The following KALRN variants were observed in gnomAD, a reference collection of about 807,000 sequenced individuals.
KALRN encodes kalirin RhoGEF kinase.
KALRN carries 70 observed loss-of-function variants against 353.7 expected under a neutral mutation model. The ratio of observed to expected loss-of-function variants is 0.20; its 90% CI spans 0.16 to 0.24. KALRN has a LOEUF of 0.24. Among genes scored for constraint, KALRN ranks in the 10% least tolerant of loss-of-function variants. The probability of loss-of-function intolerance (pLI) is 1.00; values close to 1 mark genes in which losing one functional copy is unlikely to be tolerated. For missense variants in KALRN, 2,791 were observed against 3,756.7 expected (o/e 0.74, Z 6.72); for synonymous variants, 1,391 against 1,434.8 (o/e 0.97, Z 0.69).
In KALRN at chr3:124,676,305, G is replaced by T. The variant is rs2087180838; in HGVS notation, c.7193+1691G>T. ...TCTTGCAAAAGGGTTGGGGGTGTGT[G>T]TGGAGGGGAGCAGTGGACTGAAAAA... On this transcript the variant is annotated intron_variant, in intron 49 of 59. Coordinates refer to ENST00000682506, the MANE Select transcript of KALRN (RefSeq NM_001388419.1). Among the ~76,000 whole-genome samples the T allele has an allele frequency of 2.0e-5, 3 of 152,292 alleles. No individual in the cohort carries two copies. The South Asian group carries it at 6.2e-4, about 32-fold the overall frequency.
At chr3:124,049,103 A>G (rs1406074435) in intron 1 of KALRN, among the ~76,000 whole-genome samples, 1 of 152,230 alleles carries the variant, frequency 6.6e-6, no homozygotes, top group Non-Finnish European at 1.5e-5. Flanking sequence ...TGACATTTAA[A>G]TAAATGGTAG....
At chr3:124,591,114 A>G (rs1394525909) in intron 34 of KALRN, among the ~76,000 whole-genome samples, 1 of 152,160 alleles carries the variant, frequency 6.6e-6, no homozygotes, top group East Asian at 1.9e-4. Context: ...AATTAAATGT[A>G]CCTGCTTTCA....
chr3:124,273,463 C>T (rs186771418), intron 5 of KALRN, among the ~76,000 whole-genome samples: 29 of 152,274 alleles, frequency 1.9e-4, no homozygotes, highest in Admixed American at 1.6e-3. Flanking sequence ...TTTTTAAAAG[C>T]AGGTTTATTG....
chr3:124,083,234 A>C (rs952033885), intron 1 of KALRN, among the ~76,000 whole-genome samples: 2 of 152,228 alleles, frequency 1.3e-5, no homozygotes, highest in Non-Finnish European at 2.9e-5. Context: ...TCTGTGTGCC[A>C]GGCGCTAGGG....
chr3:124,518,429 G>A, intron 33 of KALRN: 1 of 1,614,114 alleles, frequency 6.2e-7, no homozygotes, highest in Non-Finnish European at 8.5e-7. Context: ...GGTGGCACCT[G>A]GGACCTGGAG....
chr3:124,642,806 G>GTTGTTTTGTTTTTTTTT (rs796628603), intron 37 of KALRN, among the ~76,000 whole-genome samples: 1 of 96,840 alleles, frequency 1.0e-5, no homozygotes, highest in Non-Finnish European at 1.9e-5. Context: ...CCCAAGCCTC[G>GTTGTTTTGTTTTTTTTT]TTTTTTTTTT....
intron 5 of KALRN, among the ~76,000 whole-genome samples, chr3:124,275,772 C>A (rs184111896): frequency 1.3e-5 from 2 of 152,284 alleles, no homozygotes; most frequent in East Asian, 3.9e-4. Context: ...GAACAAAATT[C>A]AGAATTGATT....
rs2063301657 is a variant in KALRN, at chr3:124,719,300, A to G, written c.8791A>G (p.Thr2931Ala). The G allele has an allele frequency of 1.2e-6, 2 of 1,614,242 alleles. No individual in the cohort carries two copies. The highest frequency in any genetic ancestry group is 2.2e-5 in the East Asian group (1 of 44,886). Reference protein sequence around the residue: ...EDFRRRPTAATCLQHPWLQPH... With the variant: ...EDFRRRPTAAACLQHPWLQPH... ...TTTTCGGAGGCGGCCCACAGCAGCC[A>G]CATGCTTGCAGCATCCATGGCTGCA... is the stretch of plus-strand genomic sequence containing the variant. Residue 2931 changes from threonine to alanine, a missense_variant, in exon 60 of 60, where the codon ACA (threonine) becomes GCA (alanine). Thr to Ala is a moderately conservative substitution (Grantham distance 58, BLOSUM62 0). Around this residue, in one of 11 missense-constraint regions of KALRN, gnomAD observed 188 missense variants for 402.9 expected, o/e 0.47. Coordinates refer to ENST00000682506, the MANE Select transcript of KALRN (RefSeq NM_001388419.1). This position sits in a 1 kb window ranked among gnomAD's most constrained non-coding sequence, Gnocchi z 5.3.
intron 57 of KALRN, among the ~76,000 whole-genome samples, chr3:124,707,394 T>TTTCCTTCCTTCCTTCCTTCCTTCCTTCC (rs368400674): frequency 7.1e-6 from 1 of 140,710 alleles, no homozygotes; most frequent in African/African-American, 2.6e-5. Context: ...AGAATAGCAG[T>TTTCCTTCCTTCCTTCCTTCCTTCCTTCC]TTCCTTCCTT....
At chr3:124,136,891 T>C (rs1164665401) in intron 1 of KALRN, among the ~76,000 whole-genome samples, 2 of 152,170 alleles carry the variant, frequency 1.3e-5, no homozygotes, top group Non-Finnish European at 2.9e-5. Flanking sequence ...CAGGAAATTA[T>C]GGAGGCACTA....
At chr3:124,699,272 T>C (rs1363349493) in intron 55 of KALRN, among the ~76,000 whole-genome samples, 1 of 152,228 alleles carries the variant, frequency 6.6e-6, no homozygotes, top group Non-Finnish European at 1.5e-5. Flanking sequence ...GTTCAGCTCA[T>C]TAACTAAGTT....
intron 1 of KALRN, among the ~76,000 whole-genome samples, chr3:124,154,924 TG>T (rs1560098134): frequency 6.6e-6 from 1 of 152,132 alleles, no homozygotes; most frequent in East Asian, 1.9e-4. Flanking sequence ...TATAGATCAA[TG>T]GAACAGAACA....
At chr3:124,584,256 G>T (rs2074896837) in intron 34 of KALRN, among the ~76,000 whole-genome samples, 1 of 152,176 alleles carries the variant, frequency 6.6e-6, no homozygotes, top group African/African-American at 2.4e-5. Flanking sequence ...GCATTACACG[G>T]AAGGAAAGGA....
chr3:124,565,297 T>C (rs921872601), intron 34 of KALRN, among the ~76,000 whole-genome samples: 3 of 152,242 alleles, frequency 2.0e-5, no homozygotes, highest in Non-Finnish European at 2.9e-5. Flanking sequence ...AAGGAGGGAC[T>C]GTGTCAGGAA....
chr3:124,709,518 T>C (rs1430344408), intron 57 of KALRN, among the ~76,000 whole-genome samples: 2 of 152,216 alleles, frequency 1.3e-5, no homozygotes, highest in African/African-American at 2.4e-5. Context: ...CCTCAAGTGA[T>C]GCACCCACCT....
chr3:124,656,113 A>G (rs2083989102), intron 39 of KALRN, among the ~76,000 whole-genome samples: 1 of 152,212 alleles, frequency 6.6e-6, no homozygotes, highest in Non-Finnish European at 1.5e-5. Context: ...AAAGACAGAT[A>G]AAAGAAAAAC....
At chr3:124,210,758 C>T (rs2076834170) in intron 1 of KALRN, among the ~76,000 whole-genome samples, 1 of 152,068 alleles carries the variant, frequency 6.6e-6, no homozygotes, top group South Asian at 2.1e-4. Context: ...ATGCCTGGGC[C>T]CCAGTTGGAT....
intron 43 of KALRN, among the ~76,000 whole-genome samples, chr3:124,660,061 A>C (rs1381317733): frequency 2.0e-5 from 3 of 151,962 alleles, no homozygotes; most frequent in African/African-American, 7.2e-5. Flanking sequence ...CCTCCCAAGT[A>C]GCTAGGACAA....
At chr3:124,258,770 G>C (rs2148834557) in intron 3 of KALRN, among the ~76,000 whole-genome samples, 1 of 152,300 alleles carries the variant, frequency 6.6e-6, no homozygotes, top group African/African-American at 2.4e-5. Flanking sequence ...TTTCATATAT[G>C]TATGAAATAT....
Sources: allele counts gnomAD v4.1 joint callset (sites outside exome capture counted in the v4.1 genomes callset), GRCh38; gene constraint gnomAD v4.1.1; regional missense constraint gnomAD v4.1.1; non-coding constraint Gnocchi (gnomAD v3.1); transcripts MANE v1.5; gene names NCBI Gene and HGNC (gene_info 2026-07-23, HGNC 2026-07-21).